TOP6BL: variants seen among roughly 807,000 people sequenced by gnomAD.
The protein encoded by TOP6BL is type 2 DNA topoisomerase 6 subunit B-like.
At chr11:66,774,197 A>G in the TOP6BL span, among the ~76,000 whole-genome samples, 1 of 152,030 alleles carries the variant, frequency 6.6e-6, no homozygotes, top group South Asian at 2.1e-4. Flanking sequence ...CCTTTTCCAA[A>G]CAGATTGCTA....
At chr11:66,788,179 C>G in the TOP6BL span, 1 of 1,613,554 alleles carries the variant, frequency 6.2e-7, no homozygotes, top group South Asian at 1.1e-5. Context: ...CCATACTGCC[C>G]GGAATCTCTG....
chr11:66,758,161 T>C, the TOP6BL span: 1 of 983,254 alleles, frequency 1.0e-6, no homozygotes, highest in Non-Finnish European at 1.2e-6. Context: ...CTCTAGGTAG[T>C]TCTGATCTTT....
chr11:66,765,554 C>T, the TOP6BL span, among the ~76,000 whole-genome samples: 2 of 152,172 alleles, frequency 1.3e-5, no homozygotes, highest in Non-Finnish European at 2.9e-5. Flanking sequence ...TCACTCTTGT[C>T]ACCCAGGCTG....
the TOP6BL span, among the ~76,000 whole-genome samples, chr11:66,833,947 C>CAA: frequency 7.5e-6 from 1 of 132,984 alleles, no homozygotes; most frequent in Non-Finnish European, 1.6e-5. Flanking sequence ...GACTCTGTCT[C>CAA]AAAAAAAAAA....
At chr11:66,816,084 G>A in the TOP6BL span, 17 of 1,604,116 alleles carry the variant, frequency 1.1e-5, no homozygotes, top group South Asian at 7.8e-5. Context: ...GTTATCAGGT[G>A]GAATCCAGTG....
chr11:66,772,855 A>G, the TOP6BL span, among the ~76,000 whole-genome samples: 1 of 152,304 alleles, frequency 6.6e-6, no homozygotes, highest in South Asian at 2.1e-4. Flanking sequence ...TTTTTGGTAC[A>G]AGTAATACTG....
At chr11:66,804,168 T>C in the TOP6BL span, 1 of 1,611,132 alleles carries the variant, frequency 6.2e-7, no homozygotes, top group Non-Finnish European at 8.5e-7. Flanking sequence ...TCCAACCAGC[T>C]TAACAGGATT....
chr11:66,764,326 T>C, the TOP6BL span, among the ~76,000 whole-genome samples: 9 of 152,110 alleles, frequency 5.9e-5, no homozygotes, highest in African/African-American at 1.7e-4. Context: ...CTAGTGGCCC[T>C]GCTCCTGTTA....
At chr11:66,751,589 A>G in the TOP6BL span, among the ~76,000 whole-genome samples, 1 of 150,716 alleles carries the variant, frequency 6.6e-6, no homozygotes, top group Non-Finnish European at 1.5e-5. Flanking sequence ...CACCTGCCTC[A>G]GCCTCCCAAA....
the TOP6BL span, among the ~76,000 whole-genome samples, chr11:66,841,760 C>T: frequency 6.6e-6 from 1 of 152,162 alleles, no homozygotes; most frequent in Non-Finnish European, 1.5e-5. Context: ...TACAATCACG[C>T]CACTGCACTC....
the TOP6BL span, among the ~76,000 whole-genome samples, chr11:66,834,578 A>G: frequency 2.0e-5 from 3 of 152,210 alleles, no homozygotes; most frequent in Admixed American, 1.3e-4. Context: ...CATCTATTAT[A>G]TGCTTTATTG....
chr11:66,788,183 A>G, the TOP6BL span: 7 of 1,613,696 alleles, frequency 4.3e-6, no homozygotes, highest in East Asian at 1.6e-4. Flanking sequence ...ACTGCCCGGA[A>G]TCTCTGCAAA....
the TOP6BL span, among the ~76,000 whole-genome samples, chr11:66,774,451 G>A: frequency 1.3e-5 from 2 of 151,760 alleles, no homozygotes; most frequent in Non-Finnish European, 2.9e-5. Flanking sequence ...GTGTTTCTTT[G>A]TTTTGTTTTG....
the TOP6BL span, among the ~76,000 whole-genome samples, chr11:66,799,728 A>T: frequency 6.6e-6 from 1 of 152,072 alleles, no homozygotes; most frequent in Admixed American, 6.6e-5. Flanking sequence ...CAAAAAAAAA[A>T]AAAGTCTTGT....
At chr11:66,783,779 A>G in the TOP6BL span, among the ~76,000 whole-genome samples, 1 of 152,034 alleles carries the variant, frequency 6.6e-6, no homozygotes. Context: ...CATAAACACA[A>G]CCATTTTAAA....
the TOP6BL span, chr11:66,842,866 G>C: frequency 7.0e-6 from 11 of 1,571,982 alleles, no homozygotes; most frequent in African/African-American, 8.1e-5. Flanking sequence ...CGGGCAAGCA[G>C]AAAACAAGAG....
chr11:66,788,223 A>T, the TOP6BL span: 1 of 1,613,964 alleles, frequency 6.2e-7, no homozygotes, highest in Non-Finnish European at 8.5e-7. Context: ...GAAGGCAGCT[A>T]TTCTCAGGAT....
chr11:66,762,356 C>G, the TOP6BL span: 1 of 374,514 alleles, frequency 2.7e-6, no homozygotes, highest in Non-Finnish European at 4.9e-6. Flanking sequence ...GCCGGCGACG[C>G]AGAAGCCCAG....
the TOP6BL span, among the ~76,000 whole-genome samples, chr11:66,757,425 A>T: frequency 3.3e-5 from 5 of 152,214 alleles, no homozygotes; most frequent in Non-Finnish European, 7.3e-5. Flanking sequence ...GGAAGTGTGT[A>T]TCATTTATCC....
Sources: gnomAD v4.1 joint callset for allele counts (sites outside exome capture counted in the v4.1 genomes callset) on GRCh38, gnomAD v4.1.1 for gene constraint, MANE v1.5 for transcripts, NCBI Gene and HGNC (gene_info 2026-07-23, HGNC 2026-07-21) for gene names.